NAT10: variants seen among roughly 807,000 people sequenced by gnomAD.
The protein encoded by NAT10 is RNA cytidine acetyltransferase.
A neutral mutation model predicts 132.2 loss-of-function variants in NAT10; 109 were observed. The ratio of observed to expected loss-of-function variants is 0.82; its 90% CI spans 0.71 to 0.97. NAT10 has a LOEUF of 0.97. NAT10 is among the 50% of genes least tolerant of loss of function. NAT10 has a pLI of 0.00. For synonymous variants in NAT10, 479 were observed against 478.0 expected (o/e 1.00, Z -0.03); for missense variants, 1,184 against 1,263.4 (o/e 0.94, Z 0.95).
chr11:34,117,104 G>GT (rs1851796239), intron 6 of NAT10, among the ~76,000 whole-genome samples: 1 of 152,160 alleles, frequency 6.6e-6, no homozygotes, highest in Non-Finnish European at 1.5e-5. Context: ...CACCTATACC[G>GT]TTTTTTCCTT....
Position 34,113,785 on chromosome 11 carries a change from G to A in NAT10, c.442G>A (p.Val148Ile), listed in dbSNP as rs1590761659. 2.5e-6 allele frequency: 4 copies of A among 1,614,060 alleles called. No homozygotes were observed. In the East Asian group the frequency reaches 8.9e-5, roughly 36 times the overall value. The change falls in exon 5 of 29, where the codon GTC (valine) becomes ATC (isoleucine). Residue 148 changes from valine (V) to isoleucine (I), a missense_variant. Transcript: ENST00000257829. ...VETVEGGGLV[V>I]ILLRTMNSLK... Reference sequence around the variant, plus strand: ...AACAGTGGAAGGTGGTGGGCTAGTGGTCATCCTCCTACGGACCATGAACTC... The same window carrying A: ...AACAGTGGAAGGTGGTGGGCTAGTGATCATCCTCCTACGGACCATGAACTC...
chr11:34,126,082 A>G (rs1851986469), intron 11 of NAT10, among the ~76,000 whole-genome samples: 1 of 152,262 alleles, frequency 6.6e-6, no homozygotes, highest in African/African-American at 2.4e-5. Context: ...TCAAATGTAT[A>G]GGAGCGTGCA....
intron 10 of NAT10, 79 bp from the exon 11 acceptor site, chr11:34,124,223 A>G (rs1851945234): frequency 2.1e-6 from 2 of 935,734 alleles, no homozygotes; most frequent in Admixed American, 2.0e-5. Context: ...TGAAGTCTTT[A>G]GAATACTTGC....
rs1852230559 is a variant in NAT10 at position 34,137,040 on chromosome 11, C to T, written c.2211+14C>T. On this transcript the variant is annotated intron_variant, in intron 21 of 28. Coordinates refer to ENST00000257829, the MANE Select transcript of NAT10 (RefSeq NM_024662.3). ...AGACAGACCCCGGTGAGTGAGGCAT[C>T]CAGCAGAGGAGAAGTTTAGGTTTAC... The T allele has an allele frequency of 6.2e-7, 1 of 1,614,080 alleles. No individual in the cohort carries two copies. The highest frequency in any genetic ancestry group is 8.5e-7 in the Non-Finnish European group (1 of 1,179,966).
intron 11 of NAT10, among the ~76,000 whole-genome samples, chr11:34,125,805 T>C (rs1284528303): frequency 6.6e-6 from 1 of 151,958 alleles, no homozygotes; most frequent in African/African-American, 2.4e-5. Flanking sequence ...TCTACTAAAA[T>C]TTAAAAAAGT....
Position 34,140,500 on chromosome 11 carries a change from C to T in NAT10, c.2520C>T (p.Asp840=), listed in dbSNP as rs147472257. The T allele has an allele frequency of 6.2e-7, 1 of 1,614,102 alleles. No individual in the cohort carries two copies. The highest frequency in any genetic ancestry group is 1.7e-5 in the Admixed American group (1 of 59,996). ...RNMVDYHLIM[D]MIPAISRIYF... is the part of the protein sequence containing the mutation. ...TGGTGGACTATCACCTCATCATGGA[C>T]ATGATCCCGGCCATCTCTCGCATCT... Residue 840 remains aspartate, a synonymous_variant, in exon 24 of 29, where the codon GAC becomes GAT. Transcript: ENST00000257829.
At chr11:34,137,816 G>A (rs1212861292) in intron 21 of NAT10, among the ~76,000 whole-genome samples, 1 of 152,200 alleles carries the variant, frequency 6.6e-6, no homozygotes, top group Non-Finnish European at 1.5e-5. Context: ...AGAGAAAGTC[G>A]GGTGTGGTGT....
chr11:34,112,864 C>T (rs1030756435), intron 4 of NAT10, among the ~76,000 whole-genome samples: 6 of 152,184 alleles, frequency 3.9e-5, no homozygotes, highest in Non-Finnish European at 8.8e-5. Flanking sequence ...CCTGTGCCAC[C>T]TCCCTTCCCC....
At chr11:34,129,350 A>G (rs986449976) in intron 12 of NAT10, among the ~76,000 whole-genome samples, 2 of 152,158 alleles carry the variant, frequency 1.3e-5, no homozygotes, top group African/African-American at 4.8e-5. Context: ...ACCTCTCGTT[A>G]TAATTCTCAT....
chr11:34,111,049 T>G (rs1851686044), intron 3 of NAT10, among the ~76,000 whole-genome samples: 1 of 152,212 alleles, frequency 6.6e-6, no homozygotes, highest in Non-Finnish European at 1.5e-5. Flanking sequence ...TTTTAGGGCT[T>G]CTGGTTTTCA....
At chr11:34,128,015 A>G (rs1852030008) in intron 12 of NAT10, among the ~76,000 whole-genome samples, 1 of 152,182 alleles carries the variant, frequency 6.6e-6, no homozygotes, top group Non-Finnish European at 1.5e-5. Context: ...TTTAATTAGA[A>G]ATATTTAGTG....
chr11:34,141,419 C>A (rs558064040), intron 25 of NAT10, among the ~76,000 whole-genome samples: 2 of 146,070 alleles, frequency 1.4e-5, no homozygotes, highest in East Asian at 3.9e-4. Context: ...CACACACACA[C>A]ACACACACAC....
chr11:34,145,061 C>T (rs1052862013), intron 28 of NAT10, among the ~76,000 whole-genome samples: 8 of 152,234 alleles, frequency 5.3e-5, no homozygotes, highest in Non-Finnish European at 1.2e-4. Context: ...CTGTTTTGTA[C>T]AGTATGGCAA....
At chr11:34,115,365 C>G (rs1381109190) in intron 5 of NAT10, among the ~76,000 whole-genome samples, 1 of 152,156 alleles carries the variant, frequency 6.6e-6, no homozygotes, top group Admixed American at 6.5e-5. Context: ...CAGCTTATCT[C>G]AGAGAGGCCC....
intron 19 of NAT10, among the ~76,000 whole-genome samples, chr11:34,135,536 A>G (rs1464062595): frequency 6.6e-6 from 1 of 152,174 alleles, no homozygotes; most frequent in African/African-American, 2.4e-5. Flanking sequence ...TCTGGGGTAG[A>G]CCCTGTAATC....
intron 5 of NAT10, among the ~76,000 whole-genome samples, chr11:34,114,732 TCA>T (rs924824382): frequency 6.6e-6 from 1 of 152,196 alleles, no homozygotes; most frequent in Non-Finnish European, 1.5e-5. Flanking sequence ...TGGTCTTTCC[TCA>T]CACCCTGTTT....
At chr11:34,134,145 C>G (rs1169592523) in intron 16 of NAT10, among the ~76,000 whole-genome samples, 174 bp from the exon 17 acceptor site, 2 of 152,090 alleles carry the variant, frequency 1.3e-5, no homozygotes, top group Non-Finnish European at 2.9e-5. Context: ...GCCTGGGCGA[C>G]AGAGTGAGAC....
intron 14 of NAT10, among the ~76,000 whole-genome samples, chr11:34,131,768 C>T (rs1394233966): frequency 6.6e-6 from 1 of 150,974 alleles, no homozygotes; most frequent in East Asian, 1.9e-4. Context: ...TCACTGCAAC[C>T]TCTGCCTCCC....
rs774468449 is a variant in NAT10 at position 34,135,060 on chromosome 11, C to T, written c.1912-115C>T. On this transcript the variant is annotated intron_variant, in intron 18 of 28. Transcript: ENST00000257829. ...AGGGTTTTCATTGGTTCTCTTGCCCCGTGCTGTTTGACAGGGAGGGAAGGT... is the reference window on the plus strand; with the variant it reads ...AGGGTTTTCATTGGTTCTCTTGCCCTGTGCTGTTTGACAGGGAGGGAAGGT... 17 of 766,828 alleles carry T rather than the reference C, an allele frequency of 2.2e-5. No homozygotes were observed. The Admixed American group carries it at 2.6e-4, about 12-fold the overall frequency. The allele number at this position is 766,828 out of a possible 1,614,324, so 47.5% of individuals were successfully genotyped here.
Sources: allele counts gnomAD v4.1 joint callset (sites outside exome capture counted in the v4.1 genomes callset), GRCh38; gene constraint gnomAD v4.1.1; transcripts MANE v1.5; gene names NCBI Gene and HGNC (gene_info 2026-07-23, HGNC 2026-07-21).